RAB11FIP3: variants seen among roughly 807,000 people sequenced by gnomAD.
The protein encoded by RAB11FIP3 is RAB11 family interacting protein 3.
A neutral mutation model predicts 77.8 loss-of-function variants in RAB11FIP3; 17 were observed. That is an observed-to-expected ratio of 0.22 (90% confidence interval 0.15 to 0.33). The LOEUF (loss-of-function observed/expected upper bound fraction) is 0.33, where lower values mean the gene tolerates loss of function less well. Among genes scored for constraint, RAB11FIP3 ranks in the 10% least tolerant of loss-of-function variants. The pLI is 1.00. For missense variants in RAB11FIP3, 1,005 were observed against 1,011.2 expected (o/e 0.99, Z 0.08); for synonymous variants, 437 against 448.2 (o/e 0.98, Z 0.31).
At chr16:511,252 G>A (rs1205349973) in intron 9 of RAB11FIP3, among the ~76,000 whole-genome samples, 2 of 114,810 alleles carry the variant, frequency 1.7e-5, no homozygotes, top group African/African-American at 3.5e-5. Context: ...AGAGGTTCCC[G>A]ACAGCCTGCC....
chr16:442,783 G>C (rs2055248498), intron 1 of RAB11FIP3, among the ~76,000 whole-genome samples: 3 of 152,188 alleles, frequency 2.0e-5, no homozygotes, highest in Admixed American at 2.0e-4. Flanking sequence ...GGTCTTTCTT[G>C]TTGGCGTAAC....
chr16:476,636 G>A (rs531794768), intron 3 of RAB11FIP3, among the ~76,000 whole-genome samples: 32 of 152,276 alleles, frequency 2.1e-4, no homozygotes, highest in African/African-American at 6.0e-4. Context: ...CCAAGGTCAG[G>A]TGCGGTGGCT....
rs1249707015 is a variant in RAB11FIP3, at chr16:520,986, G to A, written c.*147G>A. ...ACCCTCGTGCAGCTGAGCTGGGGCC[G>A]CCAAAGACCGGGGCTGCCAAAGGGG... On this transcript the variant is annotated 3_prime_UTR_variant, in exon 14 of 14. Coordinates refer to ENST00000262305, the MANE Select transcript of RAB11FIP3 (RefSeq NM_014700.4). 13 of 684,372 alleles carry A rather than the reference G, an allele frequency of 1.9e-5. No homozygotes were observed. Among genetic ancestry groups the A allele is most frequent in the South Asian group, 5.3e-5 (3 of 56,518 alleles). The allele number at this position is 684,372 out of a possible 1,614,324, so 42.4% of individuals were successfully genotyped here. A position where few individuals can be genotyped will look rare whatever the true frequency, so the allele number is the denominator to read the frequency against.
chr16:468,516 A>T (rs1272083029), intron 2 of RAB11FIP3, among the ~76,000 whole-genome samples: 2 of 152,120 alleles, frequency 1.3e-5, no homozygotes, highest in Non-Finnish European at 2.9e-5. Context: ...TCCAAACCGC[A>T]CTTCAGCCAA....
At chr16:494,418 C>T (rs770514024) in intron 5 of RAB11FIP3, among the ~76,000 whole-genome samples, 5 of 150,706 alleles carry the variant, frequency 3.3e-5, no homozygotes, top group East Asian at 2.0e-4. Flanking sequence ...GTCAGGAGAT[C>T]GAGACCATCC....
At chr16:498,287 C>T (rs1001056430) in intron 6 of RAB11FIP3, among the ~76,000 whole-genome samples, 1 of 152,184 alleles carries the variant, frequency 6.6e-6, no homozygotes, top group Non-Finnish European at 1.5e-5. Context: ...CATCCTCCCA[C>T]CTCCTCCTCC....
chr16:433,722 T>A (rs1335673749), intron 1 of RAB11FIP3, among the ~76,000 whole-genome samples: 2 of 151,444 alleles, frequency 1.3e-5, no homozygotes, highest in Non-Finnish European at 2.9e-5. Context: ...TGGGTGTGGT[T>A]GCGGGCGCCT....
At chr16:469,132 C>A (rs2055766817) in intron 2 of RAB11FIP3, among the ~76,000 whole-genome samples, 1 of 152,070 alleles carries the variant, frequency 6.6e-6, no homozygotes, top group Non-Finnish European at 1.5e-5. Flanking sequence ...GTGGCGCGAT[C>A]TTGGTTCACT....
At chr16:492,486 CT>C (rs1567392496) in intron 5 of RAB11FIP3, among the ~76,000 whole-genome samples, 3 of 44,632 alleles carry the variant, frequency 6.7e-5, no homozygotes, top group African/African-American at 1.4e-4. Flanking sequence ...GCCCAGGGCC[CT>C]CCCGGGAGAC....
chr16:520,162 T>G lies in RAB11FIP3; in HGVS notation c.1901T>G (p.Leu634Arg), dbSNP rs1398925417. ...CGAAAGCAGCTGGAGCACCTGCAGCTCCTCAAGCTGGAGGCCGAGCAGCGG... is the reference window on the plus strand; with the variant it reads ...CGAAAGCAGCTGGAGCACCTGCAGCGCCTCAAGCTGGAGGCCGAGCAGCGG... ...DLRKQLEHLQLLKLEAEQRRG... is the reference protein window; with the variant it reads ...DLRKQLEHLQRLKLEAEQRRG... Residue 634 changes from leucine (L) to arginine (R), a missense_variant, in exon 12 of 14, where the codon CTC (leucine) becomes CGC (arginine). This residue lies in a region of RAB11FIP3 where 433 missense variants were observed against 436.1 expected (regional missense o/e 0.99). Transcript: ENST00000262305. The G allele has an allele frequency of 1.3e-6, 2 of 1,546,732 alleles. No homozygotes were observed. The highest frequency in any genetic ancestry group is 2.7e-5 in the African/African-American group (2 of 73,182).
At chr16:484,719 G>A (rs926016414) in intron 4 of RAB11FIP3, among the ~76,000 whole-genome samples, 5 of 152,192 alleles carry the variant, frequency 3.3e-5, no homozygotes, top group African/African-American at 1.2e-4. Context: ...GCGAGAGCGT[G>A]CTGCGACTCT....
intron 1 of RAB11FIP3, among the ~76,000 whole-genome samples, chr16:456,863 G>A (rs1288211836): frequency 6.6e-6 from 1 of 152,292 alleles, no homozygotes; most frequent in South Asian, 2.1e-4. Context: ...TAGCTGCTTC[G>A]CGTCTGCTTT....
intron 1 of RAB11FIP3, among the ~76,000 whole-genome samples, chr16:457,531 G>A (rs1182430184): frequency 1.4e-5 from 2 of 146,070 alleles, no homozygotes; most frequent in Non-Finnish European, 3.0e-5. Context: ...TTTTTTGAAA[G>A]CCTCTGAATT....
intron 5 of RAB11FIP3, among the ~76,000 whole-genome samples, chr16:492,444 G>A (rs1389082587): frequency 5.0e-5 from 7 of 138,650 alleles, no homozygotes; most frequent in Admixed American, 7.1e-5. Flanking sequence ...ACCCGAGGCC[G>A]CCCAGGGCCC....
At chr16:448,178 G>A (rs751621452) in intron 1 of RAB11FIP3, among the ~76,000 whole-genome samples, 9 of 151,376 alleles carry the variant, frequency 5.9e-5, no homozygotes, top group Non-Finnish European at 1.0e-4. Flanking sequence ...TTAGCCGAGC[G>A]TGGTGGCGCG....
At chr16:451,347 A>G (rs2141614340) in intron 1 of RAB11FIP3, 1 of 145,642 alleles carries the variant, frequency 6.9e-6, no homozygotes, top group Non-Finnish European at 1.5e-5. Context: ...TCACCCCTGC[A>G]CCTCACCCTC....
intron 1 of RAB11FIP3, among the ~76,000 whole-genome samples, chr16:449,624 G>C (rs909191433): frequency 6.6e-6 from 1 of 150,652 alleles, no homozygotes; most frequent in African/African-American, 2.4e-5. Flanking sequence ...ACTCCAGCCT[G>C]GGTGACAGGG....
chr16:441,440 C>G (rs1022106183), intron 1 of RAB11FIP3, among the ~76,000 whole-genome samples: 1 of 152,178 alleles, frequency 6.6e-6, no homozygotes, highest in African/African-American at 2.4e-5. Flanking sequence ...GGTGAGTTTT[C>G]CCCTCTGTGT....
intron 1 of RAB11FIP3, among the ~76,000 whole-genome samples, chr16:437,242 C>G (rs918195077): frequency 6.6e-6 from 1 of 151,342 alleles, no homozygotes; most frequent in Admixed American, 6.6e-5. Context: ...CGCGCCACTG[C>G]ACTCCAGCCT....
Sources: gnomAD v4.1 joint callset for allele counts (sites outside exome capture counted in the v4.1 genomes callset) on GRCh38, gnomAD v4.1.1 for gene constraint, gnomAD v4.1.1 regional missense constraint, MANE v1.5 for transcripts, NCBI Gene and HGNC (gene_info 2026-07-23, HGNC 2026-07-21) for gene names.